The following ARHGAP26 variants were observed in gnomAD, a reference collection of about 807,000 sequenced individuals.
ARHGAP26 encodes the protein rho GTPase-activating protein 26.
Under a neutral mutation model 104.8 loss-of-function variants are expected in ARHGAP26, and 38 were observed. The observed-to-expected ratio is 0.36, with a 90% CI of 0.28 to 0.48. The LOEUF is 0.48. Among genes scored for constraint, ARHGAP26 ranks in the 20% least tolerant of loss-of-function variants. The pLI is 0.99. For synonymous variants in ARHGAP26, 341 were observed against 340.0 expected (o/e 1.00, Z -0.03); for missense variants, 704 against 947.9 (o/e 0.74, Z 3.38).
intron 1 of ARHGAP26, among the ~76,000 whole-genome samples, chr5:142,817,948 C>G (rs1363797823): frequency 6.6e-6 from 1 of 152,072 alleles, no homozygotes; most frequent in African/African-American, 2.4e-5. Flanking sequence ...GCTTTGTTGT[C>G]TTCTCTGAGC....
At chr5:142,855,399 A>G (rs929351637) in intron 1 of ARHGAP26, among the ~76,000 whole-genome samples, 3 of 152,180 alleles carry the variant, frequency 2.0e-5, no homozygotes, top group Admixed American at 6.5e-5. Context: ...TAGAGGTGCC[A>G]CTTAAGGAGG....
chr5:142,857,947 TCC>T (rs2152293006), intron 1 of ARHGAP26, among the ~76,000 whole-genome samples: 1 of 152,190 alleles, frequency 6.6e-6, no homozygotes, highest in South Asian at 2.1e-4. Context: ...GAATTTCTGA[TCC>T]CATAAGTCTG....
intron 19 of ARHGAP26, among the ~76,000 whole-genome samples, chr5:143,146,265 T>C (rs913960292): frequency 1.3e-5 from 2 of 152,206 alleles, no homozygotes; most frequent in Non-Finnish European, 2.9e-5. Context: ...TGTTTTCCAT[T>C]TATGATTCCA....
chr5:142,823,134 A>G (rs1002870426), intron 1 of ARHGAP26, among the ~76,000 whole-genome samples: 4 of 152,252 alleles, frequency 2.6e-5, no homozygotes, highest in Non-Finnish European at 4.4e-5. Context: ...TAACTTGGTC[A>G]GTGTCATTCA....
intron 6 of ARHGAP26, among the ~76,000 whole-genome samples, chr5:142,898,189 CACAT>C (rs1187853093): frequency 6.6e-6 from 1 of 151,890 alleles, no homozygotes; most frequent in East Asian, 1.9e-4. Context: ...CACACACACA[CACAT>C]ATATACACAC....
chr5:142,804,064 G>A (rs575730968), intron 1 of ARHGAP26, among the ~76,000 whole-genome samples: 25 of 152,328 alleles, frequency 1.6e-4, no homozygotes, highest in African/African-American at 5.1e-4. Flanking sequence ...AGCTTAGGCT[G>A]TGGGATGGAG....
intron 20 of ARHGAP26, chr5:143,166,023 A>T: frequency 7.6e-7 from 1 of 1,319,232 alleles, no homozygotes; most frequent in South Asian, 1.3e-5. Flanking sequence ...TGCTCTTTTA[A>T]CAGGCACTGG....
rs139257077 is a variant in ARHGAP26, at chr5:143,047,927, C to T, written c.1285+6037C>T. Among the ~76,000 whole-genome samples the T allele has an allele frequency of 3.1e-4, 47 of 151,830 alleles. 2 individuals carry two copies. The East Asian group carries it at 9.0e-3, about 29-fold the overall frequency. The stretch of plus-strand genomic sequence containing the variant: ...GCTAAGTGTTGCAGTGAGGTAGGAA[C>T]CTCCTACCTCCCAGGTTCCAGTGAT... On this transcript the variant is annotated intron_variant, in intron 14 of 22. Transcript: ENST00000645722.
chr5:142,890,061 GGGAGGC>G (rs1003014724), intron 5 of ARHGAP26, among the ~76,000 whole-genome samples: 1 of 147,894 alleles, frequency 6.8e-6, no homozygotes, highest in Non-Finnish European at 1.5e-5. Flanking sequence ...TCTTGAACCT[GGGAGGC>G]GGAGGTTGCG....
chr5:142,790,936 C>T (rs756420137), intron 1 of ARHGAP26, among the ~76,000 whole-genome samples: 5 of 152,116 alleles, frequency 3.3e-5, no homozygotes, highest in Admixed American at 6.6e-5. Flanking sequence ...CTAAACTCCC[C>T]GCTGCATGTT....
chr5:142,874,045 T>C (rs1163379668), intron 2 of ARHGAP26, among the ~76,000 whole-genome samples: 9 of 152,222 alleles, frequency 5.9e-5, no homozygotes, highest in Non-Finnish European at 1.5e-5. Flanking sequence ...GGCTGAGCTA[T>C]GCGTCTGCCA....
chr5:143,094,437 G>T (rs745657910), intron 17 of ARHGAP26, among the ~76,000 whole-genome samples: 8 of 152,214 alleles, frequency 5.3e-5, no homozygotes, highest in Non-Finnish European at 1.0e-4. Context: ...AGGGGGTGGG[G>T]TGCACCTCCT....
intron 16 of ARHGAP26, among the ~76,000 whole-genome samples, chr5:143,056,903 G>C (rs1346685029): frequency 6.6e-6 from 1 of 152,194 alleles, no homozygotes; most frequent in Non-Finnish European, 1.5e-5. Flanking sequence ...GAAGGAGAAA[G>C]CCAGGAGCGA....
intron 20 of ARHGAP26, among the ~76,000 whole-genome samples, chr5:143,173,398 A>G (rs1218702557): frequency 2.6e-5 from 4 of 152,202 alleles, no homozygotes; most frequent in Admixed American, 2.6e-4. Flanking sequence ...ACGAGGGCCT[A>G]GAGGGAGTGG....
chr5:143,139,291 G>C (rs1049861357), intron 19 of ARHGAP26, among the ~76,000 whole-genome samples: 16 of 152,160 alleles, frequency 1.1e-4, no homozygotes, highest in African/African-American at 3.9e-4. Flanking sequence ...TGATAATCCT[G>C]TGAGGTAGGT....
chr5:142,796,647 G>C (rs1761038857), intron 1 of ARHGAP26, among the ~76,000 whole-genome samples: 1 of 152,244 alleles, frequency 6.6e-6, no homozygotes, highest in South Asian at 2.1e-4. Flanking sequence ...ATAAAGTTCA[G>C]ACGTCTTGAT....
chr5:142,941,784 A>G (rs1021764554), intron 11 of ARHGAP26, among the ~76,000 whole-genome samples: 4 of 152,198 alleles, frequency 2.6e-5, no homozygotes, highest in Non-Finnish European at 5.9e-5. Flanking sequence ...GGTCAGTTAA[A>G]ATTGTTTTAT....
intron 21 of ARHGAP26, among the ~76,000 whole-genome samples, chr5:143,208,464 A>G (rs1401517808): frequency 6.6e-6 from 1 of 152,208 alleles, no homozygotes; most frequent in African/African-American, 2.4e-5. Context: ...CATGCTATTT[A>G]TATATATACA....
intron 4 of ARHGAP26, among the ~76,000 whole-genome samples, chr5:142,881,891 G>A (rs1042971417): frequency 6.6e-6 from 1 of 152,232 alleles, no homozygotes; most frequent in East Asian, 1.9e-4. Context: ...GTGCTGCTTC[G>A]GTTGCCATAA....
Sources: allele counts gnomAD v4.1 joint callset (sites outside exome capture counted in the v4.1 genomes callset), GRCh38; gene constraint gnomAD v4.1.1; transcripts MANE v1.5; gene names NCBI Gene and HGNC (gene_info 2026-07-23, HGNC 2026-07-21).